Variants in IL15 observed in about 807,000 individuals in gnomAD.
The protein encoded by IL15 is interleukin 15, also known as interleukin-15.
In IL15, 11 loss-of-function variants were observed where a neutral mutation model predicts 19.6. That is an observed-to-expected ratio of 0.56 (90% confidence interval 0.35 to 0.93). IL15 has a LOEUF of 0.93. IL15 is among the 40% of genes least tolerant of loss of function. IL15 has a pLI of 0.01. For missense variants in IL15, 197 were observed against 186.5 expected (o/e 1.06, Z -0.33); for synonymous variants, 58 against 59.6 (o/e 0.97, Z 0.12).
chr4:141,712,433 G>T (rs958430973), intron 2 of IL15, among the ~76,000 whole-genome samples: 1 of 151,868 alleles, frequency 6.6e-6, no homozygotes, highest in Non-Finnish European at 1.5e-5. Flanking sequence ...AAAAACATTT[G>T]CACCAAGTGA....
Position 141,721,912 on chromosome 4 carries a change from T to C in IL15, c.111-12T>C. On this transcript the variant is annotated splice_polypyrimidine_tract_variant and intron_variant, in intron 4 of 7. Coordinates refer to ENST00000320650, the MANE Select transcript of IL15 (RefSeq NM_000585.5). ...TCCTTCAAAATGCTTTGCTCTATGG[T>C]TTTTCTTTCAGCTGTTTCAGTGCAG... 6.3e-7 allele frequency: 1 copy of C among 1,575,634 alleles called. No individual in the cohort carries two copies. Among genetic ancestry groups the C allele is most frequent in the South Asian group, 1.2e-5 (1 of 86,534 alleles).
intron 2 of IL15, among the ~76,000 whole-genome samples, chr4:141,683,083 A>G (rs1006743758): frequency 6.6e-6 from 1 of 151,476 alleles, no homozygotes; most frequent in Non-Finnish European, 1.5e-5. Context: ...ATCCTAGCCA[A>G]CATGGTGAAA....
intron 5 of IL15, among the ~76,000 whole-genome samples, chr4:141,722,540 A>G (rs1253929563): frequency 6.6e-6 from 1 of 152,196 alleles, no homozygotes; most frequent in Non-Finnish European, 1.5e-5. Context: ...GCTAAATCCA[A>G]ACAACCTGAC....
intron 2 of IL15, among the ~76,000 whole-genome samples, chr4:141,666,791 C>G (rs537708650): frequency 1.4e-4 from 21 of 152,256 alleles, no homozygotes; most frequent in African/African-American, 5.1e-4. Context: ...CATAAGATCC[C>G]CATTTCTGAA....
At chr4:141,641,731 A>G (rs1727051308) in intron 1 of IL15, among the ~76,000 whole-genome samples, 1 of 150,782 alleles carries the variant, frequency 6.6e-6, no homozygotes, top group Non-Finnish European at 1.5e-5. Context: ...TAGGAGATAT[A>G]CCTAATGTAA....
intron 2 of IL15, among the ~76,000 whole-genome samples, chr4:141,688,583 G>T (rs1728785243): frequency 6.6e-6 from 1 of 152,116 alleles, no homozygotes; most frequent in Non-Finnish European, 1.5e-5. Flanking sequence ...AAAGATTGTT[G>T]TTCTTTCCTT....
Position 141,709,873 on chromosome 4 carries a change from G to A in IL15, c.-99-9493G>A, listed in dbSNP as rs559155457. On this transcript the variant is annotated intron_variant, in intron 2 of 7. Transcript: ENST00000320650. Reference sequence around the variant, plus strand: ...GTGTATGAATGATGCCATCACCCAGGTAGTGAGCACAGTAATCAATGAGTA... The same window carrying A: ...GTGTATGAATGATGCCATCACCCAGATAGTGAGCACAGTAATCAATGAGTA... 1.2e-3 allele frequency among the ~76,000 whole-genome samples: 180 copies of A among 152,142 alleles called. No individual in the cohort carries two copies. The Middle Eastern group carries it at 0.017, about 14-fold the overall frequency.
chr4:141,721,885 G>C (rs992269602), intron 4 of IL15, 39 bp from the exon 5 acceptor site: 3 of 1,506,994 alleles, frequency 2.0e-6, no homozygotes, highest in Non-Finnish European at 1.8e-6. Flanking sequence ...AGATGAATAG[G>C]CTCCTTCAAA....
At chr4:141,642,559 G>A (rs1324906407) in intron 1 of IL15, among the ~76,000 whole-genome samples, 2 of 152,160 alleles carry the variant, frequency 1.3e-5, no homozygotes, top group Non-Finnish European at 2.9e-5. Flanking sequence ...CTTCTGTAGA[G>A]GTTTCCCACT....
chr4:141,664,384 CACACACAA>C (rs1320852594), intron 2 of IL15, among the ~76,000 whole-genome samples: 2 of 148,818 alleles, frequency 1.3e-5, no homozygotes, highest in African/African-American at 5.1e-5. Context: ...CACACACACA[CACACACAA>C]AACCAACAAC....
intron 6 of IL15, 53 bp downstream of exon 6, chr4:141,728,037 A>G: frequency 2.3e-6 from 2 of 867,380 alleles, no homozygotes; most frequent in South Asian, 1.5e-5. Flanking sequence ...AAAGTTTTTA[A>G]AAGTATATTT....
chr4:141,727,990 T>C lies in IL15; in HGVS notation c.240+6T>C. ...ATACGGAAAGTGATGTTCACGTGAGTATACTTTTTTTCAAAATTGCTATTT... is the reference window on the plus strand; with the variant it reads ...ATACGGAAAGTGATGTTCACGTGAGCATACTTTTTTTCAAAATTGCTATTT... On this transcript the variant is annotated splice_donor_region_variant and intron_variant, in intron 6 of 7. Transcript: ENST00000320650. The C allele has an allele frequency of 7.7e-7, 1 of 1,297,884 alleles. No individual in the cohort carries two copies. The highest frequency in any genetic ancestry group is 1.1e-6 in the Non-Finnish European group (1 of 916,902). The allele number at this position is 1,297,884 out of a possible 1,614,324, so 80.4% of individuals were successfully genotyped here. A position where few individuals can be genotyped will look rare whatever the true frequency, so the allele number is the denominator to read the frequency against.
rs201979531 is a variant in IL15, at chr4:141,706,811, A to G, written c.-99-12555A>G. 5.9e-5 allele frequency among the ~76,000 whole-genome samples: 9 copies of G among 152,152 alleles called. No individual in the cohort carries two copies. The East Asian group carries it at 9.7e-4, about 16-fold the overall frequency. ...TAGAGATCCTTTTGTATGTGAGTTA[A>G]TACATTTGTCTTGCAGCTTTTAGAA... On this transcript the variant is annotated intron_variant, in intron 2 of 7. Coordinates refer to ENST00000320650, the MANE Select transcript of IL15 (RefSeq NM_000585.5).
intron 1 of IL15, among the ~76,000 whole-genome samples, chr4:141,641,806 G>A (rs757018934): frequency 2.0e-5 from 3 of 151,074 alleles, no homozygotes; most frequent in South Asian, 2.1e-4. Flanking sequence ...AAACCTGCAC[G>A]TTGTGCACAT....
At chr4:141,712,753 T>C (rs1177438304) in intron 2 of IL15, among the ~76,000 whole-genome samples, 1 of 151,284 alleles carries the variant, frequency 6.6e-6, no homozygotes, top group Non-Finnish European at 1.5e-5. Flanking sequence ...GTCCAAATCT[T>C]ACTGCTACCT....
rs550199604 is a variant in IL15, at chr4:141,638,282, T to C, written c.-222+1534T>C. Among the ~76,000 whole-genome samples, 9 of 152,340 alleles carry C rather than the reference T, an allele frequency of 5.9e-5. No individual in the cohort carries two copies. In the East Asian group the frequency reaches 1.7e-3, roughly 29 times the overall value. ...TTTTGCTTAAAGTTAACAAGTATCA[T>C]AGAGATCTTAAGGTTTGTTATGATT... is the stretch of plus-strand genomic sequence containing the variant. On this transcript the variant is annotated intron_variant, in intron 1 of 7. Transcript: ENST00000320650.
chr4:141,641,555 G>T (rs1300690792), intron 1 of IL15, among the ~76,000 whole-genome samples: 1 of 152,000 alleles, frequency 6.6e-6, no homozygotes, highest in East Asian at 1.9e-4. Flanking sequence ...CGTGGATGAA[G>T]CTGGAAACCA....
chr4:141,667,404 G>A (rs1016246934), intron 2 of IL15, among the ~76,000 whole-genome samples: 2 of 152,176 alleles, frequency 1.3e-5, no homozygotes, highest in African/African-American at 4.8e-5. Context: ...TCCAGGTAGA[G>A]AGTTGGGTGT....
chr4:141,709,348 A>T (rs1729636591), intron 2 of IL15, among the ~76,000 whole-genome samples: 1 of 152,170 alleles, frequency 6.6e-6, no homozygotes, highest in South Asian at 2.1e-4. Context: ...AATCTGTTTA[A>T]TCAAATGTAC....
Sources: allele counts gnomAD v4.1 joint callset (sites outside exome capture counted in the v4.1 genomes callset), GRCh38; gene constraint gnomAD v4.1.1; transcripts MANE v1.5; gene names NCBI Gene and HGNC (gene_info 2026-07-23, HGNC 2026-07-21).